Variants in TRAK1 observed in about 807,000 individuals in gnomAD.
TRAK1 encodes trafficking kinesin-binding protein 1.
Under a neutral mutation model 92.1 loss-of-function variants are expected in TRAK1, and 33 were observed. The observed-to-expected ratio is 0.36, with a 90% CI of 0.27 to 0.48. The LOEUF is 0.48. Ranked by LOEUF, TRAK1 falls within the 20% of genes least tolerant of loss-of-function variation. The pLI is 0.99. For synonymous variants in TRAK1, 521 were observed against 517.3 expected, an observed-to-expected ratio of 1.01 and a Z score of -0.10; for missense variants, 1,123 against 1,257.9, an observed-to-expected ratio of 0.89 and a Z score of 1.62.
intron 2 of TRAK1, among the ~76,000 whole-genome samples, chr3:42,143,745 A>G (rs1245656449): frequency 6.6e-6 from 1 of 152,070 alleles, no homozygotes; most frequent in Non-Finnish European, 1.5e-5. Context: ...CGGCTGCAGT[A>G]AACCTGGGCC....
In TRAK1 at chr3:42,176,902, A is replaced by G. The variant is rs944135497; in HGVS notation, c.363+12A>G. The stretch of plus-strand genomic sequence containing the variant: ...GGCTTCTTGAGGAGGTAAGTGCTCC[A>G]GGGGAAGGCAAAAGAGTTGTTTATA... On this transcript the variant is annotated intron_variant, in intron 3 of 15. Coordinates refer to ENST00000327628, the MANE Select transcript of TRAK1 (RefSeq NM_001042646.3). The G allele has an allele frequency of 4.3e-6, 7 of 1,612,950 alleles. No homozygotes were observed. Among genetic ancestry groups the G allele is most frequent in the Non-Finnish European group, 5.9e-6 (7 of 1,178,962 alleles).
chr3:42,104,687 A>T (rs1707273437), intron 1 of TRAK1, among the ~76,000 whole-genome samples: 1 of 152,238 alleles, frequency 6.6e-6, no homozygotes, highest in South Asian at 2.1e-4. Context: ...CCAAAACCCC[A>T]TCTGTACGTC....
At position 42,193,218 on chromosome 3, in the gene TRAK1, T is replaced by C. The variant is rs1377545500; in HGVS notation, c.900+13T>C. On this transcript the variant is annotated intron_variant, in intron 8 of 15. Coordinates refer to ENST00000327628, the MANE Select transcript of TRAK1 (RefSeq NM_001042646.3). ...AAAGGCAAAAGCTGTAAGGCTTCTC[T>C]GTTTATCTGGCTGATACAACAATGG... 6.2e-7 allele frequency: 1 copy of C among 1,613,660 alleles called. No homozygotes were observed. Among genetic ancestry groups the C allele is most frequent in the Admixed American group, 1.7e-5 (1 of 59,978 alleles).
chr3:42,141,101 A>G (rs1167251009), intron 2 of TRAK1, among the ~76,000 whole-genome samples: 1 of 152,226 alleles, frequency 6.6e-6, no homozygotes, highest in Non-Finnish European at 1.5e-5. Flanking sequence ...CATCATTTAT[A>G]TACTTTATTG....
chr3:42,204,024 T>C, intron 13 of TRAK1: 1 of 985,410 alleles, frequency 1.0e-6, no homozygotes, highest in South Asian at 4.7e-5. Flanking sequence ...TGGGCTAGTT[T>C]GTTTTTATTA....
chr3:42,110,517 CT>C (rs1320120473), intron 1 of TRAK1, among the ~76,000 whole-genome samples: 1 of 152,100 alleles, frequency 6.6e-6, no homozygotes, highest in Non-Finnish European at 1.5e-5. Context: ...AGCTGAAGGG[CT>C]TTTTTCCCAT....
At chr3:42,100,638 C>T (rs896523384) in intron 1 of TRAK1, among the ~76,000 whole-genome samples, 7 of 152,118 alleles carry the variant, frequency 4.6e-5, no homozygotes, top group South Asian at 2.1e-4. Context: ...GAACTTTATT[C>T]GAGCTGTCAG....
chr3:42,099,193 A>G (rs965426774), intron 1 of TRAK1, among the ~76,000 whole-genome samples: 4 of 152,060 alleles, frequency 2.6e-5, no homozygotes, highest in Admixed American at 6.6e-5. Flanking sequence ...TGGCAGTGGC[A>G]GCCTGGATGA....
At chr3:42,036,425 T>C (rs1375606757) in intron 1 of TRAK1, among the ~76,000 whole-genome samples, 1 of 152,216 alleles carries the variant, frequency 6.6e-6, no homozygotes, top group Non-Finnish European at 1.5e-5. Flanking sequence ...GTGTTCCTCT[T>C]ACAGCTCTTA....
At chr3:42,088,421 G>GC (rs1407835886), upstream of TRAK1, among the ~76,000 whole-genome samples, 3 of 152,060 alleles carry the variant, frequency 2.0e-5, no homozygotes, top group African/African-American at 7.2e-5. Context: ...CCACTTGCCT[G>GC]CCCCCTGAAG....
At chr3:42,111,127 A>G (rs1448589367) in intron 1 of TRAK1, among the ~76,000 whole-genome samples, 3 of 152,162 alleles carry the variant, frequency 2.0e-5, no homozygotes, top group African/African-American at 7.2e-5. Context: ...TTGGCAGAGA[A>G]GGGAAAAGTG....
chr3:42,099,608 G>A (rs2149007617), intron 1 of TRAK1, among the ~76,000 whole-genome samples: 1 of 152,334 alleles, frequency 6.6e-6, no homozygotes, highest in Non-Finnish European at 1.5e-5. Context: ...CACGCAGAGA[G>A]GGAGAGTCAT....
chr3:42,050,096 A>T (rs1032877648), intron 1 of TRAK1, among the ~76,000 whole-genome samples: 2 of 148,918 alleles, frequency 1.3e-5, no homozygotes, highest in African/African-American at 5.0e-5. Flanking sequence ...TTTCCCTTGG[A>T]CTGGTTGGTT....
chr3:42,201,193 T>G, intron 12 of TRAK1, 139 bp downstream of exon 12: 1 of 936,950 alleles, frequency 1.1e-6, no homozygotes, highest in Non-Finnish European at 1.6e-6. Context: ...GCGTGGTGGC[T>G]CGCGCCTATA....
intron 3 of TRAK1, among the ~76,000 whole-genome samples, chr3:42,179,399 A>G (rs1181325190): frequency 1.3e-5 from 2 of 152,224 alleles, no homozygotes; most frequent in African/African-American, 2.4e-5. Flanking sequence ...CAGGATCCCA[A>G]AGCACAGCCT....
At position 42,124,040 on chromosome 3, in the gene TRAK1, A is replaced by G. The variant is rs115411023; in HGVS notation, c.92-1380A>G. Among the ~76,000 whole-genome samples, 320 of 152,226 alleles carry G rather than the reference A, an allele frequency of 2.1e-3. 1 individual carries two copies. The highest frequency in any genetic ancestry group is 7.5e-3 in the African/African-American group (311 of 41,532). ...GTGGTCCTGGCTACTCGGGAGGCCA[A>G]GGTGGGAGGAATGCTTGAGGATCGG... On this transcript the variant is annotated intron_variant, in intron 1 of 15. Coordinates refer to ENST00000327628, the MANE Select transcript of TRAK1 (RefSeq NM_001042646.3).
At chr3:42,181,997 T>C (rs1704067338) in intron 3 of TRAK1, among the ~76,000 whole-genome samples, 1 of 144,944 alleles carries the variant, frequency 6.9e-6, no homozygotes, top group African/African-American at 2.6e-5. Context: ...TGAGATGGGG[T>C]CTCCTGTGTT....
intron 6 of TRAK1, among the ~76,000 whole-genome samples, chr3:42,189,563 C>T (rs866954007): frequency 2.0e-5 from 3 of 152,054 alleles, no homozygotes; most frequent in East Asian, 1.9e-4. Context: ...GATGGAGTCT[C>T]GCTATGTCAC....
At chr3:42,203,447 A>G (rs1331529750) in intron 13 of TRAK1, 5 of 982,378 alleles carry the variant, frequency 5.1e-6, no homozygotes, top group African/African-American at 3.6e-5. Flanking sequence ...GATTAAACTC[A>G]TGGGAAAAAC....
Sources: gnomAD v4.1 joint callset for allele counts (sites outside exome capture counted in the v4.1 genomes callset) on GRCh38, gnomAD v4.1.1 for gene constraint, MANE v1.5 for transcripts, NCBI Gene and HGNC (gene_info 2026-07-23, HGNC 2026-07-21) for gene names.